Variants in CMTM2 observed in about 807,000 individuals in gnomAD.
CMTM2 encodes CKLF like MARVEL transmembrane domain containing 2, also known as CKLF-like MARVEL transmembrane domain-containing protein 2.
CMTM2 carries 15 observed loss-of-function variants against 16.8 expected under a neutral mutation model. The observed-to-expected ratio is 0.89, with a 90% confidence interval of 0.60 to 1.37. The LOEUF is 1.37. CMTM2 is among the 40% of genes most tolerant of loss of function. The pLI is 0.00. For synonymous variants in CMTM2, 117 were observed against 118.7 expected, an observed-to-expected ratio of 0.99 and a Z score of 0.09; for missense variants, 282 against 318.0, an observed-to-expected ratio of 0.89 and a Z score of 0.86.
intron 2 of CMTM2, 90 bp downstream of exon 2, chr16:66,580,274 C>A: frequency 7.4e-7 from 1 of 1,357,644 alleles, no homozygotes; most frequent in Non-Finnish European, 1.0e-6. Context: ...GAGAGACACA[C>A]CTCACCTCCC....
At chr16:66,587,141 C>G in intron 3 of CMTM2, 43 bp downstream of exon 3, 1 of 1,453,334 alleles carries the variant, frequency 6.9e-7, no homozygotes, top group Non-Finnish European at 9.7e-7. Context: ...TCTGAATTCA[C>G]TTCTTTTGGA....
chr16:66,585,721 T>C (rs1456967212), intron 2 of CMTM2, among the ~76,000 whole-genome samples: 1 of 152,172 alleles, frequency 6.6e-6, no homozygotes, highest in Admixed American at 6.6e-5. Flanking sequence ...TGGCAAGACG[T>C]TAACATCTGT....
intron 3 of CMTM2, among the ~76,000 whole-genome samples, chr16:66,587,569 A>T (rs1044712164): frequency 2.0e-5 from 3 of 152,122 alleles, no homozygotes; most frequent in African/African-American, 7.2e-5. Context: ...AGGAAAAAAA[A>T]AAAAAGTAAA....
intron 2 of CMTM2, among the ~76,000 whole-genome samples, chr16:66,585,362 C>A (rs1274939556): frequency 6.6e-6 from 1 of 152,164 alleles, no homozygotes; most frequent in East Asian, 1.9e-4. Context: ...GGTAGAAACA[C>A]CCTGTGTCTC....
intron 3 of CMTM2, among the ~76,000 whole-genome samples, chr16:66,587,663 G>A (rs78562552): frequency 9.2e-5 from 14 of 152,110 alleles, no homozygotes; most frequent in African/African-American, 2.7e-4. Flanking sequence ...TGTAGCTGCC[G>A]ACCCCAGAGC....
At chr16:66,584,614 T>C (rs1010520424) in intron 2 of CMTM2, among the ~76,000 whole-genome samples, 9 of 152,128 alleles carry the variant, frequency 5.9e-5, no homozygotes, top group Non-Finnish European at 1.3e-4. Flanking sequence ...AGTAGACTAA[T>C]ACAGGGATAG....
chr16:66,582,324 G>C (rs998255116), intron 2 of CMTM2, among the ~76,000 whole-genome samples: 3 of 152,140 alleles, frequency 2.0e-5, no homozygotes, highest in Non-Finnish European at 4.4e-5. Context: ...TAACTGAAAG[G>C]TATGGGGAAA....
chr16:66,580,904 CAACCACCT>C (rs1419534019), intron 2 of CMTM2, among the ~76,000 whole-genome samples: 1 of 152,144 alleles, frequency 6.6e-6, no homozygotes, highest in Non-Finnish European at 1.5e-5. Context: ...CCACAGGGCA[CAACCACCT>C]AACCCCTTGC....
At position 66,579,478 on chromosome 16, in the gene CMTM2, C is replaced by T; in HGVS notation, c.-130C>T. 1.8e-6 allele frequency: 2 copies of T among 1,130,952 alleles called. No individual in the cohort carries two copies. The highest frequency in any genetic ancestry group is 2.5e-6 in the Non-Finnish European group (2 of 800,738). 70.1% of individuals were successfully genotyped at this position (1,130,952 alleles called of 1,614,324 possible). A position where few individuals can be genotyped will look rare whatever the true frequency, so the allele number is the denominator to read the frequency against. On this transcript the variant is annotated 5_prime_UTR_variant, in exon 1 of 4. Coordinates refer to ENST00000268595, the MANE Select transcript of CMTM2 (RefSeq NM_144673.3). This position sits in a 1 kb window ranked among gnomAD's most constrained non-coding sequence, Gnocchi z 6.5. ...GGGAGTTGGCATTCGGTGGTCCTGG[C>T]AGTTAGCTGAGCACGCCCTCTGAGC...
Position 66,580,015 on chromosome 16 carries a change from T to A in CMTM2, c.286-11T>A. Reference sequence around the variant, plus strand: ...CTTGCTGCTGGCTCAGGTGTCTATGTCTCACTGCAGGGCTGCCTAATAGCT... The same window carrying A: ...CTTGCTGCTGGCTCAGGTGTCTATGACTCACTGCAGGGCTGCCTAATAGCT... On this transcript the variant is annotated splice_polypyrimidine_tract_variant and intron_variant, in intron 1 of 3. Transcript: ENST00000268595. 1 of 1,614,144 alleles carries A rather than the reference T, an allele frequency of 6.2e-7. No homozygotes were observed. Among genetic ancestry groups the A allele is most frequent in the African/African-American group, 1.3e-5 (1 of 75,038 alleles).
intron 2 of CMTM2, among the ~76,000 whole-genome samples, chr16:66,580,869 G>C (rs1409909070): frequency 2.0e-5 from 3 of 152,094 alleles, no homozygotes; most frequent in Admixed American, 1.3e-4. Context: ...TCATGGAATT[G>C]AATCCCTGCC....
chr16:66,587,136 A>G (rs2144706520), intron 3 of CMTM2, 38 bp downstream of exon 3: 1 of 1,484,500 alleles, frequency 6.7e-7, no homozygotes, highest in Non-Finnish European at 9.4e-7. Flanking sequence ...TTTGCTCTGA[A>G]TTCACTTCTT....
chr16:66,582,456 G>T (rs12446566), intron 2 of CMTM2, among the ~76,000 whole-genome samples: 8,945 of 152,214 alleles, frequency 0.059, 420 homozygotes, highest in East Asian at 0.12. Flanking sequence ...ATCCCAGCAC[G>T]TTGGGAGGCT....
At chr16:66,587,874 T>G (rs566785609) in intron 3 of CMTM2, 45 bp from the exon 4 acceptor site, 1 of 1,601,874 alleles carries the variant, frequency 6.2e-7, no homozygotes, top group African/African-American at 1.3e-5. Context: ...ACTCACCACC[T>G]TTGGAATGAA....
intron 2 of CMTM2, chr16:66,580,415 TCTTA>T (rs1342825186): frequency 1.8e-5 from 10 of 543,144 alleles, no homozygotes; most frequent in Non-Finnish European, 1.6e-5. Context: ...AGTGGGGAAC[TCTTA>T]CTTACCTGGT....
intron 2 of CMTM2, 41 bp from the exon 3 acceptor site, chr16:66,586,956 C>A (rs2014799946): frequency 1.4e-6 from 2 of 1,437,102 alleles, no homozygotes; most frequent in Non-Finnish European, 9.8e-7. Context: ...TTGATGGGGA[C>A]CCTGGCTTTG....
At position 66,588,021 on chromosome 16, in the gene CMTM2, C is replaced by T; in HGVS notation, c.649C>T (p.Pro217Ser). ...KAKKHMLVPP[P>S]GKEKGPQQGK... The stretch of plus-strand genomic sequence containing the variant: ...CAAAAAGCATATGCTGGTTCCTCCT[C>T]CAGGAAAGGAAAAAGGACCCCAGCA... The change falls in exon 4 of 4, where the codon CCA becomes TCA. Residue 217 changes from proline to serine, a missense_variant. Coordinates refer to ENST00000268595, the MANE Select transcript of CMTM2 (RefSeq NM_144673.3). 1.2e-6 allele frequency: 2 copies of T among 1,614,028 alleles called. No homozygotes were observed. The highest frequency in any genetic ancestry group is 1.7e-6 in the Non-Finnish European group (2 of 1,180,032).
chr16:66,583,683 T>C (rs2014760427), intron 2 of CMTM2, among the ~76,000 whole-genome samples: 1 of 152,180 alleles, frequency 6.6e-6, no homozygotes, highest in South Asian at 2.1e-4. Flanking sequence ...ATCATAGAGA[T>C]GTCAATTCAA....
At chr16:66,582,863 G>C (rs1167652949) in intron 2 of CMTM2, among the ~76,000 whole-genome samples, 1 of 152,038 alleles carries the variant, frequency 6.6e-6, no homozygotes, top group Non-Finnish European at 1.5e-5. Flanking sequence ...GACAGAGTGA[G>C]ACTCCATCTC....
Sources: gnomAD v4.1 joint callset for allele counts (sites outside exome capture counted in the v4.1 genomes callset) on GRCh38, gnomAD v4.1.1 for gene constraint, Gnocchi (gnomAD v3.1) non-coding constraint, MANE v1.5 for transcripts, NCBI Gene and HGNC (gene_info 2026-07-23, HGNC 2026-07-21) for gene names.